Variants in MAPRE2 observed in about 807,000 individuals in gnomAD.
The protein encoded by MAPRE2 is microtubule-associated protein RP/EB family member 2.
MAPRE2 carries 13 observed loss-of-function variants against 43.2 expected under a neutral mutation model. That is an observed-to-expected ratio of 0.30 (90% CI 0.20 to 0.48). The LOEUF (loss-of-function observed/expected upper bound fraction) is 0.48. Ranked by LOEUF, MAPRE2 falls within the 20% of genes least tolerant of loss-of-function variation. The probability of loss-of-function intolerance (pLI) is 0.99; values close to 1 mark genes in which losing one functional copy is unlikely to be tolerated. For synonymous variants in MAPRE2, 135 were observed against 148.8 expected, an observed-to-expected ratio of 0.91 and a Z score of 0.68; for missense variants, 161 against 400.2, an observed-to-expected ratio of 0.40 and a Z score of 5.10.
chr18:35,041,582 A>G lies in MAPRE2; in HGVS notation c.43A>G (p.Asn15Asp). 1 of 1,614,206 alleles carries G rather than the reference A, an allele frequency of 6.2e-7. No individual in the cohort carries two copies. The highest frequency in any genetic ancestry group is 8.5e-7 in the Non-Finnish European group (1 of 1,180,036). Reference protein sequence around the residue: ...TQTLSPNGENNNDIIQDNNGT... With the variant: ...TQTLSPNGENDNDIIQDNNGT... ...AACCCTGTCCCCAAATGGCGAGAAC[A>G]ACAACGACATCATCCAGGATAATAA... The change falls in exon 1 of 7, where the codon AAC becomes GAC. Residue 15 changes from asparagine to aspartate, a missense_variant. Asn to Asp is a conservative substitution (Grantham distance 23). Around this residue, in one of 2 missense-constraint regions of MAPRE2, gnomAD observed 65 missense variants for 246.9 expected, o/e 0.26. Transcript: ENST00000300249.
chr18:34,987,992 AT>A (rs762808417), intron 1 of MAPRE2, among the ~76,000 whole-genome samples: 39 of 152,320 alleles, frequency 2.6e-4, no homozygotes, highest in Admixed American at 3.9e-4. Flanking sequence ...ACAGGCTAAT[AT>A]ATAATTCTGG....
At chr18:35,083,691 C>T (rs1466154813) in intron 2 of MAPRE2, among the ~76,000 whole-genome samples, 7 of 152,160 alleles carry the variant, frequency 4.6e-5, no homozygotes, top group African/African-American at 1.7e-4. Flanking sequence ...AGCACATTAT[C>T]CTACAAGAAA....
intron 1 of MAPRE2, chr18:34,978,145 C>T: frequency 3.2e-6 from 1 of 307,954 alleles, no homozygotes; most frequent in Non-Finnish European, 6.0e-6. Flanking sequence ...TTTCCTTCAC[C>T]TCCGCACCAG....
At chr18:35,076,653 A>C (rs796514201) in intron 2 of MAPRE2, among the ~76,000 whole-genome samples, 10 of 152,306 alleles carry the variant, frequency 6.6e-5, no homozygotes, top group African/African-American at 2.4e-4. Flanking sequence ...ACAGCCCTTA[A>C]GTACATGAAG....
intron 1 of MAPRE2, among the ~76,000 whole-genome samples, chr18:34,997,077 T>C (rs530269352): frequency 6.6e-6 from 1 of 152,322 alleles, no homozygotes; most frequent in African/African-American, 2.4e-5. Context: ...ACTTGCAACA[T>C]TCATTCATTA....
At chr18:35,000,216 C>G (rs2097028624) in intron 1 of MAPRE2, among the ~76,000 whole-genome samples, 1 of 152,062 alleles carries the variant, frequency 6.6e-6, no homozygotes. Context: ...TGGGCTCAGG[C>G]CCCAGTAGTG....
intron 2 of MAPRE2, among the ~76,000 whole-genome samples, chr18:35,071,110 A>G (rs1403985393): frequency 6.6e-6 from 1 of 152,232 alleles, no homozygotes; most frequent in Non-Finnish European, 1.5e-5. Flanking sequence ...GAATGCCTGT[A>G]GTTGCCTCTA....
intron 2 of MAPRE2, among the ~76,000 whole-genome samples, chr18:35,086,494 T>C (rs1298463808): frequency 2.0e-5 from 3 of 152,120 alleles, no homozygotes; most frequent in East Asian, 1.9e-4. Flanking sequence ...AGCTGATACT[T>C]CTAACACCAG....
chr18:35,053,658 G>T (rs957143303), intron 1 of MAPRE2, among the ~76,000 whole-genome samples: 1 of 152,110 alleles, frequency 6.6e-6, no homozygotes, highest in African/African-American at 2.4e-5. Context: ...AATTTAAGAG[G>T]AAAGTGTGCA....
chr18:35,042,282 GA>G (rs962723406), intron 1 of MAPRE2, among the ~76,000 whole-genome samples: 1 of 152,116 alleles, frequency 6.6e-6, no homozygotes, highest in African/African-American at 2.4e-5. Context: ...CAAAGGACTT[GA>G]AAAAAACTGG....
chr18:35,087,976 T>C (rs933575659), intron 2 of MAPRE2, among the ~76,000 whole-genome samples: 1 of 152,140 alleles, frequency 6.6e-6, no homozygotes, highest in African/African-American at 2.4e-5. Context: ...AGAGCCAAAT[T>C]TGCCCTTTTA....
In MAPRE2 at chr18:35,085,386, C is replaced by T. The variant is rs73412751; in HGVS notation, c.251-12060C>T. On this transcript the variant is annotated intron_variant, in intron 2 of 6. Transcript: ENST00000300249. Reference sequence around the variant, plus strand: ...AGCTGGGATGACTTTATGATTATTGCGTATGAACAATCTAATATGAAGGAG... The same window carrying T: ...AGCTGGGATGACTTTATGATTATTGTGTATGAACAATCTAATATGAAGGAG... 1.3e-3 allele frequency among the ~76,000 whole-genome samples: 199 copies of T among 152,242 alleles called. 1 individual carries two copies. Among genetic ancestry groups the T allele is most frequent in the African/African-American group, 4.2e-3 (176 of 41,538 alleles).
chr18:35,041,335 A>G, upstream of MAPRE2: 2 of 1,432,508 alleles, frequency 1.4e-6, no homozygotes, highest in South Asian at 1.5e-5. Context: ...CCACGTGACC[A>G]GGGTGCTGCT....
chr18:34,996,124 C>T (rs1364568624), intron 1 of MAPRE2, among the ~76,000 whole-genome samples: 2 of 152,124 alleles, frequency 1.3e-5, no homozygotes, highest in African/African-American at 2.4e-5. Context: ...AAGAAAACAG[C>T]AGTCAGGAAT....
At chr18:34,992,081 T>G (rs1359384700) in intron 1 of MAPRE2, among the ~76,000 whole-genome samples, 1 of 152,224 alleles carries the variant, frequency 6.6e-6, no homozygotes, top group Non-Finnish European at 1.5e-5. Context: ...GTTAATAATT[T>G]TGTGTGACTT....
At chr18:34,993,374 A>T (rs111794581) in intron 1 of MAPRE2, among the ~76,000 whole-genome samples, 1 of 148,540 alleles carries the variant, frequency 6.7e-6, no homozygotes, top group African/African-American at 2.5e-5. Context: ...AAGTGTTGGG[A>T]TTACAGGCAT....
intron 2 of MAPRE2, among the ~76,000 whole-genome samples, chr18:35,034,826 C>A (rs949066571): frequency 6.6e-6 from 1 of 152,174 alleles, no homozygotes; most frequent in African/African-American, 2.4e-5. Flanking sequence ...CATCTCACGC[C>A]AGTTAGAATG....
chr18:35,020,465 A>T (rs1568973966), intron 2 of MAPRE2, among the ~76,000 whole-genome samples: 1 of 151,726 alleles, frequency 6.6e-6, no homozygotes, highest in Non-Finnish European at 1.5e-5. Context: ...TTCATGCAAC[A>T]TTACTTCGGT....
chr18:35,111,252 C>A (rs973599975), intron 4 of MAPRE2, among the ~76,000 whole-genome samples: 1 of 152,068 alleles, frequency 6.6e-6, no homozygotes, highest in Non-Finnish European at 1.5e-5. Context: ...TTTTAAATTT[C>A]AGCTATTGTA....
Sources: gnomAD v4.1 joint callset for allele counts (sites outside exome capture counted in the v4.1 genomes callset) on GRCh38, gnomAD v4.1.1 for gene constraint, gnomAD v4.1.1 regional missense constraint, MANE v1.5 for transcripts, NCBI Gene and HGNC (gene_info 2026-07-23, HGNC 2026-07-21) for gene names.